CD38: variants seen among roughly 807,000 people sequenced by gnomAD.
CD38 encodes ADP-ribosyl cyclase/cyclic ADP-ribose hydrolase 1.
Under a neutral mutation model 36.3 loss-of-function variants are expected in CD38, and 31 were observed. The ratio of observed to expected loss-of-function variants is 0.85; its 90% CI spans 0.64 to 1.15. The LOEUF is 1.15. CD38 is among the 50% of genes most tolerant of loss of function. CD38 has a pLI of 0.00. For synonymous variants in CD38, 131 were observed against 135.2 expected, an observed-to-expected ratio of 0.97 and a Z score of 0.22; for missense variants, 380 against 371.9, an observed-to-expected ratio of 1.02 and a Z score of -0.18.
At chr4:15,808,103 A>G (rs1032110543) in intron 1 of CD38, among the ~76,000 whole-genome samples, 1 of 152,124 alleles carries the variant, frequency 6.6e-6, no homozygotes, top group African/African-American at 2.4e-5. Context: ...TCTCCCTGAC[A>G]TTATTTGTAG....
intron 1 of CD38, among the ~76,000 whole-genome samples, chr4:15,807,477 C>T (rs935237163): frequency 1.3e-5 from 2 of 152,196 alleles, no homozygotes; most frequent in African/African-American, 4.8e-5. Context: ...GCTGGTGTCC[C>T]ATGGAGTTGA....
At chr4:15,779,384 A>AT (rs1488946080) in intron 1 of CD38, among the ~76,000 whole-genome samples, 1 of 152,148 alleles carries the variant, frequency 6.6e-6, no homozygotes, top group East Asian at 1.9e-4. Context: ...CAGTTTTCTC[A>AT]TGCTCCTTTC....
At chr4:15,818,184 T>G in intron 2 of CD38, among the ~76,000 whole-genome samples, 1 of 151,798 alleles carries the variant, frequency 6.6e-6, no homozygotes, top group South Asian at 2.1e-4. Context: ...GCGTCCGCCA[T>G]TACTGAGGCT....
chr4:15,848,782 C>A lies in CD38; in HGVS notation c.*180C>A. The A allele has an allele frequency of 2.1e-6, 1 of 477,466 alleles. No homozygotes were observed. Among genetic ancestry groups the A allele is most frequent in the African/African-American group, 1.9e-5 (1 of 52,144 alleles). The allele number at this position is 477,466 out of a possible 1,614,324, so 29.6% of individuals were successfully genotyped here. On this transcript the variant is annotated 3_prime_UTR_variant, in exon 8 of 8. Coordinates refer to ENST00000226279, the MANE Select transcript of CD38 (RefSeq NM_001775.4). ...AAAATAACTTATATCATCAGCATAC[C>A]TTTATTGTGATCTATCAATAGTCAA... is the stretch of plus-strand genomic sequence containing the variant.
intron 5 of CD38, 54 bp downstream of exon 5, chr4:15,838,219 T>C: frequency 2.4e-6 from 3 of 1,250,832 alleles, no homozygotes; most frequent in Non-Finnish European, 3.5e-6. Context: ...AATATCACAG[T>C]GAATATTTCA....
At chr4:15,790,796 G>A (rs1016901463) in intron 1 of CD38, among the ~76,000 whole-genome samples, 4 of 140,782 alleles carry the variant, frequency 2.8e-5, no homozygotes, top group African/African-American at 1.1e-4. Context: ...GCCGCCCATC[G>A]TCTGAGATGT....
chr4:15,838,911 A>G (rs1208348551), intron 5 of CD38, among the ~76,000 whole-genome samples: 1 of 152,130 alleles, frequency 6.6e-6, no homozygotes, highest in Non-Finnish European at 1.5e-5. Flanking sequence ...TCATTTGCTG[A>G]TCCTTGCCAC....
At chr4:15,841,897 T>C (rs1158684273) in intron 7 of CD38, among the ~76,000 whole-genome samples, 2 of 126,824 alleles carry the variant, frequency 1.6e-5, no homozygotes, top group Non-Finnish European at 3.2e-5. Flanking sequence ...CACACCTGGC[T>C]CAGAGGGTCC....
chr4:15,810,981 G>A (rs1317867597), intron 1 of CD38, among the ~76,000 whole-genome samples: 3 of 152,228 alleles, frequency 2.0e-5, no homozygotes, highest in Admixed American at 6.5e-5. Flanking sequence ...AGTGAGTGGT[G>A]AGTGGTATCT....
intron 1 of CD38, among the ~76,000 whole-genome samples, chr4:15,815,079 A>G (rs1723561930): frequency 6.6e-6 from 1 of 152,090 alleles, no homozygotes; most frequent in South Asian, 2.1e-4. Flanking sequence ...TGCTGGGATT[A>G]CAGGCGTGAG....
chr4:15,780,387 C>G (rs1197946307), intron 1 of CD38, among the ~76,000 whole-genome samples: 4 of 152,094 alleles, frequency 2.6e-5, no homozygotes, highest in Non-Finnish European at 4.4e-5. Context: ...GTCTAAGCAT[C>G]TTGTATATGT....
Position 15,778,775 on chromosome 4 carries a change from G to A in CD38, c.233+128G>A. The A allele has an allele frequency of 1.5e-6, 1 of 675,114 alleles. No homozygotes were observed. The highest frequency in any genetic ancestry group is 2.7e-5 in the East Asian group (1 of 36,606). 41.8% of individuals were successfully genotyped at this position (675,114 alleles called of 1,614,324 possible). A position where few individuals can be genotyped will look rare whatever the true frequency, so the allele number is the denominator to read the frequency against. ...CGGGTCAGCCGAGAGCCCGCCGGGT[G>A]GTGCTGAGTAGGGAGTCCCGGGCTC... On this transcript the variant is annotated intron_variant, in intron 1 of 7. Transcript: ENST00000226279. The surrounding 1 kb of genome is among the most constrained non-coding windows in gnomAD (Gnocchi z 4.9).
chr4:15,850,762 G>T lies in CD38; in HGVS notation c.*2160G>T, dbSNP rs1724365866. 1 of 152,200 alleles carries T rather than the reference G, an allele frequency of 6.6e-6. No homozygotes were observed. The highest frequency in any genetic ancestry group is 1.5e-5 in the Non-Finnish European group (1 of 68,106). 9.4% of individuals were successfully genotyped at this position (152,200 alleles called of 1,614,324 possible). A position where few individuals can be genotyped will look rare whatever the true frequency, so the allele number is the denominator to read the frequency against. ...AGTCTTGGCTCGACATGAGGATGGGGGTTTGGGACCAGTTCTGAGTGAGAA... is the reference window on the plus strand; with the variant it reads ...AGTCTTGGCTCGACATGAGGATGGGTGTTTGGGACCAGTTCTGAGTGAGAA... On this transcript the variant is annotated 3_prime_UTR_variant, in exon 8 of 8. Coordinates refer to ENST00000226279, the MANE Select transcript of CD38 (RefSeq NM_001775.4).
intron 1 of CD38, among the ~76,000 whole-genome samples, chr4:15,780,782 C>T (rs1722680166): frequency 1.3e-5 from 2 of 152,168 alleles, no homozygotes; most frequent in Non-Finnish European, 2.9e-5. Context: ...TATTTTCTCT[C>T]TTTCTTTCTG....
Position 15,848,936 on chromosome 4 carries a change from C to G in CD38, c.*334C>G, listed in dbSNP as rs16892463. On this transcript the variant is annotated 3_prime_UTR_variant, in exon 8 of 8. Coordinates refer to ENST00000226279, the MANE Select transcript of CD38 (RefSeq NM_001775.4). ...TCTATTGAAAAATCACCACACCAAA[C>G]CTCTCTTATTAGAACAGGCAAGTGA... 0.011 allele frequency: 1,934 copies of G among 183,888 alleles called. 40 individuals are homozygous for G. The highest frequency in any genetic ancestry group is 0.042 in the African/African-American group (1,807 of 42,782). The allele number at this position is 183,888 out of a possible 1,614,324, so 11.4% of individuals were successfully genotyped here.
chr4:15,816,202 C>T (rs1393991148), intron 1 of CD38, among the ~76,000 whole-genome samples: 1 of 152,146 alleles, frequency 6.6e-6, no homozygotes, highest in African/African-American at 2.4e-5. Context: ...CGATGTTCAT[C>T]AGGGATATTG....
intron 1 of CD38, among the ~76,000 whole-genome samples, chr4:15,780,850 T>C (rs1445816734): frequency 6.6e-6 from 1 of 152,166 alleles, no homozygotes; most frequent in Non-Finnish European, 1.5e-5. Context: ...GGCTCACACC[T>C]GTAATCCCAG....
intron 3 of CD38, among the ~76,000 whole-genome samples, chr4:15,832,453 C>G (rs1266166347): frequency 6.6e-6 from 1 of 152,182 alleles, no homozygotes; most frequent in Non-Finnish European, 1.5e-5. Flanking sequence ...TACGTTGTAT[C>G]TGCTGTAGGG....
intron 1 of CD38, among the ~76,000 whole-genome samples, chr4:15,784,186 AC>A (rs1027455879): frequency 4.6e-5 from 7 of 152,194 alleles, no homozygotes; most frequent in African/African-American, 1.7e-4. Context: ...TAAGAAATGT[AC>A]CCCTATCAAA....
Sources: allele counts gnomAD v4.1 joint callset (sites outside exome capture counted in the v4.1 genomes callset), GRCh38; gene constraint gnomAD v4.1.1; non-coding constraint Gnocchi (gnomAD v3.1); transcripts MANE v1.5; gene names NCBI Gene and HGNC (gene_info 2026-07-23, HGNC 2026-07-21).